The following STK3 variants were observed in gnomAD, a reference collection of about 807,000 sequenced individuals.
STK3 encodes the protein serine/threonine kinase 3, also known as serine/threonine-protein kinase 3.
STK3 carries 41 observed loss-of-function variants against 58.0 expected under a neutral mutation model. That is an observed-to-expected ratio of 0.71 (90% CI 0.55 to 0.92). The LOEUF is 0.92. Ranked by LOEUF, STK3 falls within the 40% of genes least tolerant of loss-of-function variation. The pLI, the probability that STK3 is intolerant of heterozygous loss-of-function variation, is 0.00. For missense variants in STK3, 479 were observed against 602.7 expected, an observed-to-expected ratio of 0.79 and a Z score of 2.15; for synonymous variants, 170 against 191.0, an observed-to-expected ratio of 0.89 and a Z score of 0.91.
intron 3 of STK3, among the ~76,000 whole-genome samples, chr8:98,408,991 G>T (rs1818027569): frequency 6.6e-6 from 1 of 152,138 alleles, no homozygotes; most frequent in Admixed American, 6.5e-5. Context: ...CTGTATCTGT[G>T]ATTCTGCTCG....
In STK3 at chr8:98,433,930, C is replaced by T. The variant is rs556128292; in HGVS notation, n.483+197G>A. Among the ~76,000 whole-genome samples the T allele has an allele frequency of 6.6e-5, 10 of 152,312 alleles. No homozygotes were observed. In the East Asian group the frequency reaches 1.7e-3, roughly 26 times the overall value. On this transcript the variant is annotated intron_variant and non_coding_transcript_variant, in intron 3 of 3. Transcript: ENST00000517832. Reference sequence around the variant, plus strand: ...ACCTATGTACACGGAATCCAGATTCCTCCTATTAACAATCATTAGGCAGAG... The same window carrying T: ...ACCTATGTACACGGAATCCAGATTCTTCCTATTAACAATCATTAGGCAGAG...
intron 1 of STK3, among the ~76,000 whole-genome samples, chr8:98,885,287 TA>T (rs1258798899): frequency 2.0e-5 from 3 of 152,152 alleles, no homozygotes; most frequent in African/African-American, 7.2e-5. Flanking sequence ...TCATGGTGAG[TA>T]AAGGAGGCTT....
At chr8:98,583,773 T>C (rs1814153291) in intron 7 of STK3, among the ~76,000 whole-genome samples, 2 of 151,992 alleles carry the variant, frequency 1.3e-5, no homozygotes, top group South Asian at 4.1e-4. Context: ...AAATTCATAG[T>C]CTATATTAGT....
At chr8:98,536,015 CT>C (rs1344155186) in intron 9 of STK3, among the ~76,000 whole-genome samples, 6 of 152,204 alleles carry the variant, frequency 3.9e-5, no homozygotes, top group African/African-American at 1.4e-4. Flanking sequence ...CAGACTACTC[CT>C]TGGTGTTGAC....
intron 4 of STK3, among the ~76,000 whole-genome samples, chr8:98,743,357 A>C (rs1829375671): frequency 6.6e-6 from 1 of 152,190 alleles, no homozygotes; most frequent in South Asian, 2.1e-4. Flanking sequence ...ACAGTAACCA[A>C]AACAGCATGG....
intron 1 of STK3, among the ~76,000 whole-genome samples, chr8:98,902,508 T>A (rs1838695236): frequency 6.6e-6 from 1 of 152,158 alleles, no homozygotes; most frequent in Admixed American, 6.5e-5. Flanking sequence ...GACCTAGAAG[T>A]CATCTTTGAT....
At chr8:98,458,494 C>T (rs1364995671) in intron 10 of STK3, among the ~76,000 whole-genome samples, 1 of 151,928 alleles carries the variant, frequency 6.6e-6, no homozygotes, top group Non-Finnish European at 1.5e-5. Flanking sequence ...ATTTGATTCT[C>T]AGCTTGGTCA....
chr8:98,870,945 A>G (rs1228771782), intron 3 of STK3, among the ~76,000 whole-genome samples: 1 of 152,168 alleles, frequency 6.6e-6, no homozygotes, highest in African/African-American at 2.4e-5. Flanking sequence ...GGTATTGCCT[A>G]GGTTTTCCTC....
chr8:98,622,405 T>C (rs1243009734), intron 6 of STK3, among the ~76,000 whole-genome samples: 1 of 152,204 alleles, frequency 6.6e-6, no homozygotes, highest in Non-Finnish European at 1.5e-5. Flanking sequence ...TTGCCATTCA[T>C]TCATTGTATG....
chr8:98,506,836 C>T (rs1824122988), intron 10 of STK3, among the ~76,000 whole-genome samples: 1 of 152,210 alleles, frequency 6.6e-6, no homozygotes, highest in Admixed American at 6.5e-5. Flanking sequence ...CTGCTGATAG[C>T]ATGATTTAGC....
At chr8:98,492,199 G>A (rs576392258) in intron 10 of STK3, among the ~76,000 whole-genome samples, 3 of 152,298 alleles carry the variant, frequency 2.0e-5, no homozygotes, top group African/African-American at 7.2e-5. Flanking sequence ...AAATTCTCCA[G>A]TACTGTAAAT....
In STK3 at chr8:98,869,840, C is replaced by CT. The variant is rs1039486736; in HGVS notation, c.110+13806dup. Among the ~76,000 whole-genome samples the CT allele has an allele frequency of 4.9e-5, 7 of 141,704 alleles. No homozygotes were observed. In the South Asian group the frequency reaches 1.4e-3, roughly 28 times the overall value. The allele number at this position is 141,704 out of a possible 152,430, so 93.0% of individuals were successfully genotyped here. A position where few individuals can be genotyped will look rare whatever the true frequency, so the allele number is the denominator to read the frequency against. On this transcript the variant is annotated intron_variant, in intron 3 of 12. Coordinates refer to the STK3 transcript ENST00000523601. ...TTTGCTTTGGGATAATATATTTTTTCTTTTTTTTATTATTATTATTATACT... is the reference window on the plus strand; with the variant it reads ...TTTGCTTTGGGATAATATATTTTTTCTTTTTTTTTATTATTATTATTATACT...
chr8:98,848,306 G>C (rs528648969), intron 3 of STK3, among the ~76,000 whole-genome samples: 2 of 150,722 alleles, frequency 1.3e-5, no homozygotes, highest in African/African-American at 4.9e-5. Context: ...GGAGTACAAT[G>C]GTGACTTCTC....
chr8:98,424,314 C>T (rs1385959131), intron 3 of STK3, among the ~76,000 whole-genome samples: 2 of 152,252 alleles, frequency 1.3e-5, no homozygotes, highest in Non-Finnish European at 2.9e-5. Flanking sequence ...TGACCCCAAA[C>T]TCACAGAAAG....
intron 4 of STK3, among the ~76,000 whole-genome samples, chr8:98,729,937 A>G (rs1239156644): frequency 6.6e-6 from 1 of 152,170 alleles, no homozygotes; most frequent in Non-Finnish European, 1.5e-5. Context: ...CTTAACCTCC[A>G]TATGTTTCCA....
chr8:98,352,136 C>A, the STK3 span, among the ~76,000 whole-genome samples: 1,717 of 110,090 alleles, frequency 0.016, no homozygotes, highest in Non-Finnish European at 0.017. Flanking sequence ...GACTCTGTCT[C>A]AAAAAAAAAA....
intron 2 of STK3, among the ~76,000 whole-genome samples, chr8:98,376,847 G>A (rs563297599): frequency 6.6e-6 from 1 of 152,316 alleles, no homozygotes; most frequent in East Asian, 1.9e-4. Flanking sequence ...CCAGGAACCT[G>A]GGTTAAATGT....
chr8:98,361,505 G>T, the STK3 span, among the ~76,000 whole-genome samples: 1 of 152,252 alleles, frequency 6.6e-6, no homozygotes, highest in Non-Finnish European at 1.5e-5. Flanking sequence ...TTTCATGGTT[G>T]TTGAGAGGGT....
At chr8:98,888,117 G>A (rs957322223) in intron 1 of STK3, among the ~76,000 whole-genome samples, 14 of 152,116 alleles carry the variant, frequency 9.2e-5, no homozygotes, top group East Asian at 1.9e-4. Context: ...TCAGGAGATC[G>A]AGAACAGCCT....
Sources: gnomAD v4.1 joint callset for allele counts (sites outside exome capture counted in the v4.1 genomes callset) on GRCh38, gnomAD v4.1.1 for gene constraint, MANE v1.5 for transcripts, NCBI Gene and HGNC (gene_info 2026-07-23, HGNC 2026-07-21) for gene names.